NAV2: variants seen among roughly 807,000 people sequenced by gnomAD.
The protein encoded by NAV2 is helicase, APC down-regulated 1.
A neutral mutation model predicts 223.2 loss-of-function variants in NAV2; 54 were observed. The observed-to-expected ratio is 0.24, with a 90% CI of 0.19 to 0.30. The LOEUF is 0.30. NAV2 is among the 10% of genes least tolerant of loss of function. The pLI is 1.00. For synonymous variants in NAV2, 1,279 were observed against 1,239.3 expected, an observed-to-expected ratio of 1.03 and a Z score of -0.67; for missense variants, 2,806 against 3,147.5, an observed-to-expected ratio of 0.89 and a Z score of 2.60.
intron 1 of NAV2, among the ~76,000 whole-genome samples, chr11:19,777,245 G>T (rs1263158146): frequency 6.6e-6 from 1 of 151,552 alleles, no homozygotes; most frequent in East Asian, 1.9e-4. Flanking sequence ...GCTGGGCAGC[G>T]CGGGCGCCGG....
chr11:19,672,333 T>C (rs1359138524), intron 1 of NAV2, among the ~76,000 whole-genome samples: 2 of 152,216 alleles, frequency 1.3e-5, no homozygotes, highest in East Asian at 3.8e-4. Context: ...AGAGCCTGAA[T>C]GTGCATTCAA....
chr11:19,636,431 G>A (rs58468205), intron 1 of NAV2, among the ~76,000 whole-genome samples: 4,077 of 152,098 alleles, frequency 0.027, 169 homozygotes, highest in African/African-American at 0.083. Context: ...CCAGGAGAGA[G>A]AAGGATTCAA....
chr11:19,508,939 A>G (rs1339847160), intron 1 of NAV2, among the ~76,000 whole-genome samples: 1 of 152,232 alleles, frequency 6.6e-6, no homozygotes, highest in Non-Finnish European at 1.5e-5. Context: ...TGTTCAGGAG[A>G]AAGCAAACAA....
At chr11:19,416,768 A>T (rs2729928) in intron 1 of NAV2, among the ~76,000 whole-genome samples, 131,831 of 152,026 alleles carry the variant, frequency 0.87, 57,825 homozygotes, top group East Asian at 0.94. Flanking sequence ...ATGGAACAGA[A>T]CAGAGGCCTC....
chr11:19,849,631 G>T (rs1290311993), intron 3 of NAV2, among the ~76,000 whole-genome samples: 1 of 152,196 alleles, frequency 6.6e-6, no homozygotes, highest in Admixed American at 6.5e-5. Context: ...CCACATGCCT[G>T]GGGAGTGTCT....
chr11:19,448,957 A>G (rs778232660), intron 1 of NAV2, among the ~76,000 whole-genome samples: 1 of 152,034 alleles, frequency 6.6e-6, no homozygotes, highest in Non-Finnish European at 1.5e-5. Context: ...ATTTATTTGT[A>G]AAATAAACCA....
At chr11:19,980,217 C>T (rs1335834969) in intron 10 of NAV2, among the ~76,000 whole-genome samples, 1 of 152,184 alleles carries the variant, frequency 6.6e-6, no homozygotes, top group Non-Finnish European at 1.5e-5. Context: ...ATCCAGGGGT[C>T]TCTGGGGAAG....
chr11:19,774,968 T>A (rs2056035964), intron 1 of NAV2, among the ~76,000 whole-genome samples: 1 of 152,158 alleles, frequency 6.6e-6, no homozygotes, highest in Non-Finnish European at 1.5e-5. Context: ...GAAAGTATAA[T>A]GAACCTAATG....
At chr11:19,456,440 T>C (rs1430525505) in intron 1 of NAV2, among the ~76,000 whole-genome samples, 3 of 152,200 alleles carry the variant, frequency 2.0e-5, no homozygotes, top group South Asian at 4.1e-4. Flanking sequence ...TAAAGGGTGA[T>C]GGGCCTAGAG....
chr11:19,661,118 G>A (rs2135730228), intron 1 of NAV2, among the ~76,000 whole-genome samples: 1 of 152,102 alleles, frequency 6.6e-6, no homozygotes, highest in South Asian at 2.1e-4. Context: ...CCAGCTCCCA[G>A]CCCCAGGCAA....
At chr11:19,904,137 C>G (rs2042672024) in intron 6 of NAV2, among the ~76,000 whole-genome samples, 1 of 152,158 alleles carries the variant, frequency 6.6e-6, no homozygotes, top group Non-Finnish European at 1.5e-5. Context: ...TTTTAAGAGG[C>G]AAATAATTCT....
At chr11:19,487,321 CA>C (rs1564978292) in intron 1 of NAV2, among the ~76,000 whole-genome samples, 2 of 152,196 alleles carry the variant, frequency 1.3e-5, no homozygotes, top group African/African-American at 4.8e-5. Flanking sequence ...AACAGCTTCT[CA>C]AAATGGGAAA....
intron 2 of NAV2, among the ~76,000 whole-genome samples, chr11:19,837,326 C>G (rs981036758): frequency 6.6e-6 from 1 of 152,160 alleles, no homozygotes; most frequent in South Asian, 2.1e-4. Flanking sequence ...GGAGTTGCAG[C>G]CTTCTGGTGA....
intron 1 of NAV2, among the ~76,000 whole-genome samples, chr11:19,424,105 G>T (rs994360914): frequency 1.3e-5 from 2 of 152,314 alleles, no homozygotes; most frequent in East Asian, 3.9e-4. Context: ...TGTATGAGCT[G>T]CTTTGGCAGG....
chr11:20,021,716 G>A (rs527732511), intron 11 of NAV2, among the ~76,000 whole-genome samples: 252 of 151,832 alleles, frequency 1.7e-3, no homozygotes, highest in Non-Finnish European at 4.7e-4. Flanking sequence ...CACTCCCCAC[G>A]GCAGATGCCT....
At chr11:19,914,073 G>C (rs1356232034) in intron 6 of NAV2, among the ~76,000 whole-genome samples, 1 of 152,186 alleles carries the variant, frequency 6.6e-6, no homozygotes, top group East Asian at 1.9e-4. Flanking sequence ...TTGATGTCAT[G>C]CTGGTAGCTA....
chr11:20,082,007 T>A (rs1284805196), intron 25 of NAV2, among the ~76,000 whole-genome samples: 2 of 152,212 alleles, frequency 1.3e-5, no homozygotes, highest in East Asian at 3.8e-4. Flanking sequence ...ATCTCATGAT[T>A]TGGGGAAATT....
At chr11:19,690,887 A>C (rs1316872573) in intron 1 of NAV2, among the ~76,000 whole-genome samples, 1 of 152,206 alleles carries the variant, frequency 6.6e-6, no homozygotes, top group Non-Finnish European at 1.5e-5. Flanking sequence ...CCAGAAGTAG[A>C]ACCCAGATCC....
rs567530653 is a variant in NAV2, at chr11:20,030,182, GC to G, written c.2769-5776del. Among the ~76,000 whole-genome samples, 514 of 152,278 alleles carry G rather than the reference GC, an allele frequency of 3.4e-3. 4 individuals are homozygous for G. Among genetic ancestry groups the G allele is most frequent in the Non-Finnish European group, 5.3e-3 (360 of 68,024 alleles). ...ACATTTTCAGAGCAATTTTGGAGCTGCTTTGAAAGTTTTATTGTGTAGAGTG... is the reference window on the plus strand; with the variant it reads ...ACATTTTCAGAGCAATTTTGGAGCTGTTTGAAAGTTTTATTGTGTAGAGTG... On this transcript the variant is annotated intron_variant, in intron 11 of 37. Transcript: ENST00000349880.
Sources: allele counts gnomAD v4.1 joint callset (sites outside exome capture counted in the v4.1 genomes callset), GRCh38; gene constraint gnomAD v4.1.1; transcripts MANE v1.5; gene names NCBI Gene and HGNC (gene_info 2026-07-23, HGNC 2026-07-21).